The following NRXN3 variants were observed in gnomAD, a reference collection of about 807,000 sequenced individuals.
NRXN3 encodes neurexin III.
In NRXN3, 32 loss-of-function variants were observed where a neutral mutation model predicts 137.6. The ratio of observed to expected loss-of-function variants is 0.23; its 90% CI spans 0.18 to 0.31. The LOEUF (loss-of-function observed/expected upper bound fraction) is 0.31. Among genes scored for constraint, NRXN3 ranks in the 10% least tolerant of loss-of-function variants. NRXN3 has a pLI of 1.00. For missense variants in NRXN3, 1,574 were observed against 2,062.5 expected (o/e 0.76, Z 4.59); for synonymous variants, 798 against 784.5 (o/e 1.02, Z -0.29).
At chr14:79,306,215 G>T (rs2086036698) in intron 15 of NRXN3, among the ~76,000 whole-genome samples, 1 of 152,022 alleles carries the variant, frequency 6.6e-6, no homozygotes. Flanking sequence ...TGGCCCATAG[G>T]TGGGGGATAA....
chr14:78,619,788 C>CT (rs1021691003), intron 4 of NRXN3, among the ~76,000 whole-genome samples: 9 of 152,054 alleles, frequency 5.9e-5, no homozygotes, highest in African/African-American at 2.2e-4. Context: ...AACCTCTTTC[C>CT]TTTATAAATT....
intron 15 of NRXN3, among the ~76,000 whole-genome samples, chr14:79,323,527 A>G (rs2090380337): frequency 6.6e-6 from 1 of 152,200 alleles, no homozygotes; most frequent in East Asian, 1.9e-4. Flanking sequence ...GTTTAGATCT[A>G]TGTGGCACTA....
chr14:78,936,221 G>A (rs1392605350), intron 10 of NRXN3, among the ~76,000 whole-genome samples: 2 of 152,048 alleles, frequency 1.3e-5, no homozygotes, highest in African/African-American at 4.8e-5. Flanking sequence ...CTGGCTATTG[G>A]TTATATTTTG....
intron 8 of NRXN3, among the ~76,000 whole-genome samples, chr14:78,789,991 A>G (rs918815999): frequency 1.3e-5 from 2 of 152,152 alleles, no homozygotes; most frequent in Non-Finnish European, 2.9e-5. Flanking sequence ...GCTTTCCCCC[A>G]ATTTCAGCAC....
At chr14:78,235,596 A>G (rs746042559) in intron 1 of NRXN3, among the ~76,000 whole-genome samples, 1 of 131,520 alleles carries the variant, frequency 7.6e-6, no homozygotes, top group African/African-American at 3.3e-5. Flanking sequence ...AGTTTTTAGT[A>G]AAAAAAAAAA....
intron 16 of NRXN3, among the ~76,000 whole-genome samples, chr14:79,556,132 T>C (rs1602055016): frequency 6.6e-6 from 1 of 152,132 alleles, no homozygotes; most frequent in Non-Finnish European, 1.5e-5. Context: ...GGAAAATGCA[T>C]GGCCTTCACA....
At chr14:79,500,864 A>C (rs1411274673) in intron 16 of NRXN3, among the ~76,000 whole-genome samples, 1 of 152,234 alleles carries the variant, frequency 6.6e-6, no homozygotes, top group African/African-American at 2.4e-5. Context: ...GACCTTAGGT[A>C]AAGCCATTGG....
At chr14:78,579,930 C>G (rs531200927) in intron 4 of NRXN3, among the ~76,000 whole-genome samples, 1 of 152,162 alleles carries the variant, frequency 6.6e-6, no homozygotes, top group East Asian at 1.9e-4. Context: ...TTCCTCTTCT[C>G]GAAAATTACA....
At chr14:79,051,445 A>G (rs1481311674) in intron 15 of NRXN3, among the ~76,000 whole-genome samples, 1 of 152,254 alleles carries the variant, frequency 6.6e-6, no homozygotes, top group Non-Finnish European at 1.5e-5. Context: ...GGAAAAGAGC[A>G]TGAACCCAGA....
At position 79,808,892 on chromosome 14, in the gene NRXN3, G is replaced by A. The variant is rs557546775; in HGVS notation, c.4093+3702G>A. On this transcript the variant is annotated intron_variant, in intron 20 of 20. Coordinates refer to ENST00000335750, the MANE Select transcript of NRXN3 (RefSeq NM_001330195.2). ...TTTCACTCTCAGAACTTACTTTTGT[G>A]CTTAAGGGTCACCACGGTTTGGTAT... 3.9e-5 allele frequency among the ~76,000 whole-genome samples: 6 copies of A among 152,254 alleles called. No individual in the cohort carries two copies. The East Asian group carries it at 1.2e-3, about 29-fold the overall frequency.
chr14:79,054,790 C>T (rs750514334), intron 15 of NRXN3, among the ~76,000 whole-genome samples: 1 of 152,154 alleles, frequency 6.6e-6, no homozygotes, highest in African/African-American at 2.4e-5. Context: ...CCATAGATAC[C>T]TGACAGGAAC....
At chr14:78,444,868 G>A (rs200380458) in intron 4 of NRXN3, among the ~76,000 whole-genome samples, 27 of 137,196 alleles carry the variant, frequency 2.0e-4, no homozygotes, top group Non-Finnish European at 3.8e-4. Flanking sequence ...GCAGTGAGCC[G>A]AGATCGCACC....
intron 15 of NRXN3, among the ~76,000 whole-genome samples, chr14:79,184,542 C>T (rs757988873): frequency 2.6e-5 from 4 of 152,100 alleles, no homozygotes; most frequent in African/African-American, 9.7e-5. Context: ...ATTCTGGTCT[C>T]GTCACAGACA....
At chr14:78,775,779 A>C (rs932379860) in intron 8 of NRXN3, among the ~76,000 whole-genome samples, 4 of 152,228 alleles carry the variant, frequency 2.6e-5, no homozygotes, top group African/African-American at 9.6e-5. Context: ...TCTGTATTTT[A>C]AAATACTCTA....
chr14:78,521,704 G>T (rs1237741418), intron 4 of NRXN3, among the ~76,000 whole-genome samples: 1 of 151,972 alleles, frequency 6.6e-6, no homozygotes, highest in South Asian at 2.1e-4. Flanking sequence ...TCAGTGAATG[G>T]TTTATAATGT....
At chr14:78,842,616 C>G (rs1482097557) in intron 10 of NRXN3, among the ~76,000 whole-genome samples, 1 of 152,116 alleles carries the variant, frequency 6.6e-6, no homozygotes, top group Admixed American at 6.6e-5. Flanking sequence ...GACAACCAGT[C>G]TGACTAAAAT....
At chr14:79,007,569 G>T (rs1382751406) in intron 15 of NRXN3, among the ~76,000 whole-genome samples, 1 of 151,844 alleles carries the variant, frequency 6.6e-6, no homozygotes, top group African/African-American at 2.4e-5. Flanking sequence ...ACTTTGGGAG[G>T]CCAAGGCAGG....
At chr14:78,998,641 C>G (rs2099535164) in intron 15 of NRXN3, among the ~76,000 whole-genome samples, 1 of 151,210 alleles carries the variant, frequency 6.6e-6, no homozygotes, top group Non-Finnish European at 1.5e-5. Context: ...CTCTGTCACC[C>G]AGACTGGAGT....
intron 6 of NRXN3, among the ~76,000 whole-genome samples, chr14:78,671,183 A>G (rs2097930744): frequency 6.6e-6 from 1 of 152,210 alleles, no homozygotes. Context: ...GGTATATGGC[A>G]TAGTCAGCAG....
Sources: gnomAD v4.1 joint callset for allele counts (sites outside exome capture counted in the v4.1 genomes callset) on GRCh38, gnomAD v4.1.1 for gene constraint, MANE v1.5 for transcripts, NCBI Gene and HGNC (gene_info 2026-07-23, HGNC 2026-07-21) for gene names.